NUDT6: variants seen among roughly 807,000 people sequenced by gnomAD.
The protein encoded by NUDT6 is FAD diphosphatase NUDT6.
A neutral mutation model predicts 36.8 loss-of-function variants in NUDT6; 24 were observed. The observed-to-expected ratio is 0.65, with a 90% confidence interval of 0.47 to 0.92. NUDT6 has a LOEUF of 0.92. NUDT6 is among the 40% of genes least tolerant of loss of function. The probability of loss-of-function intolerance (pLI) is 0.00; values close to 1 mark genes in which losing one functional copy is unlikely to be tolerated. For missense variants in NUDT6, 388 were observed against 392.8 expected, an observed-to-expected ratio of 0.99 and a Z score of 0.10; for synonymous variants, 163 against 157.0, an observed-to-expected ratio of 1.04 and a Z score of -0.29.
intron 3 of NUDT6, among the ~76,000 whole-genome samples, chr4:122,900,936 A>T (rs187968742): frequency 8.5e-5 from 13 of 152,206 alleles, no homozygotes; most frequent in African/African-American, 3.1e-4. Flanking sequence ...GTTTTATGGC[A>T]AAAAAATTAC....
At position 122,893,029 on chromosome 4, in the gene NUDT6, A is replaced by T. The variant is rs1727233719; in HGVS notation, c.750T>A (p.Asp250Glu). 1 of 1,614,136 alleles carries T rather than the reference A, an allele frequency of 6.2e-7. No individual in the cohort carries two copies. Among genetic ancestry groups the T allele is most frequent in the East Asian group, 2.2e-5 (1 of 44,882 alleles). Residue 250 changes from aspartate (D) to glutamate (E), a missense_variant, in exon 5 of 5, where the codon GAT becomes GAA. Transcript: ENST00000304430. Reference sequence around the variant, plus strand: ...TTTCAGTCTTCGCCAGGTCATTGAGATCCATCCACTCACATCTTAAGCATT... The same window carrying T: ...TTTCAGTCTTCGCCAGGTCATTGAGTTCCATCCACTCACATCTTAAGCATT... Reference protein sequence around the residue: ...QEECLRCEWMDLNDLAKTENT... With the variant: ...QEECLRCEWMELNDLAKTENT...
At chr4:122,907,217 G>A (rs927401089) in intron 3 of NUDT6, among the ~76,000 whole-genome samples, 4 of 151,970 alleles carry the variant, frequency 2.6e-5, no homozygotes, top group Admixed American at 2.6e-4. Context: ...GGCAACGTCT[G>A]CCTCCTGGGT....
intron 4 of NUDT6, 44 bp from the exon 5 acceptor site, chr4:122,893,269 T>C (rs780655874): frequency 6.6e-7 from 1 of 1,514,790 alleles, no homozygotes; most frequent in Non-Finnish European, 8.9e-7. Context: ...AATTACACTT[T>C]TAGAAACTGT....
intron 4 of NUDT6, chr4:122,895,260 T>C (rs898599819): frequency 2.0e-5 from 3 of 152,226 alleles, no homozygotes; most frequent in African/African-American, 7.2e-5. Flanking sequence ...CAAACTGAAA[T>C]AACATTTGCT....
At chr4:122,907,792 C>T (rs1727650679) in intron 3 of NUDT6, among the ~76,000 whole-genome samples, 1 of 152,110 alleles carries the variant, frequency 6.6e-6, no homozygotes, top group African/African-American at 2.4e-5. Context: ...TACGGATTCA[C>T]CCAAATTCTT....
At chr4:122,897,384 TCATAAA>T (rs1727394688) in intron 4 of NUDT6, 1 of 498,482 alleles carries the variant, frequency 2.0e-6, no homozygotes, top group Non-Finnish European at 3.6e-6. Flanking sequence ...CCAGAAGCAG[TCATAAA>T]CAGAAGAATA....
chr4:122,894,026 G>A (rs2150795502), intron 4 of NUDT6: 1 of 152,266 alleles, frequency 6.6e-6, no homozygotes, highest in East Asian at 1.9e-4. Context: ...AATTCTACTG[G>A]TGAAAAACAT....
intron 2 of NUDT6, among the ~76,000 whole-genome samples, chr4:122,914,903 C>T (rs1727798905): frequency 6.6e-6 from 1 of 152,046 alleles, no homozygotes; most frequent in Non-Finnish European, 1.5e-5. Context: ...AATTAATTTA[C>T]ATACATGATA....
chr4:122,909,360 GATA>G (rs1326353883), intron 3 of NUDT6, among the ~76,000 whole-genome samples: 2 of 152,082 alleles, frequency 1.3e-5, no homozygotes, highest in Non-Finnish European at 2.9e-5. Context: ...AAATAATGGA[GATA>G]ATAATAAGTA....
chr4:122,922,457 G>A lies in NUDT6; in HGVS notation c.116C>T (p.Pro39Leu), dbSNP rs1192648384. ...CTGCAGATCGCACGCTCCAACTGGCGGATTCCGCACGTAACCCTGTGCGCC... is the reference window on the plus strand; with the variant it reads ...CTGCAGATCGCACGCTCCAACTGGCAGATTCCGCACGTAACCCTGTGCGCC... ...ASGAQGYVRNPPVGACDLQGE... is the reference protein window; with the variant it reads ...ASGAQGYVRNLPVGACDLQGE... The change falls in exon 1 of 5, where the codon CCG (proline) becomes CTG (leucine). Residue 39 changes from proline to leucine, a missense_variant. Physicochemically the swap from Pro to Leu is moderately conservative, Grantham distance 98 (BLOSUM62 -3). Coordinates refer to ENST00000304430, the MANE Select transcript of NUDT6 (RefSeq NM_007083.5). The A allele has an allele frequency of 1.2e-6, 2 of 1,612,052 alleles. No individual in the cohort carries two copies. The highest frequency in any genetic ancestry group is 1.7e-6 in the Non-Finnish European group (2 of 1,179,856).
At chr4:122,910,678 T>C (rs1157420573) in intron 3 of NUDT6, among the ~76,000 whole-genome samples, 1 of 152,224 alleles carries the variant, frequency 6.6e-6, no homozygotes, top group Non-Finnish European at 1.5e-5. Flanking sequence ...TATCCATATA[T>C]TGTATAAGTA....
At chr4:122,907,888 G>A (rs1020787988) in intron 3 of NUDT6, among the ~76,000 whole-genome samples, 2 of 152,030 alleles carry the variant, frequency 1.3e-5, no homozygotes, top group Non-Finnish European at 2.9e-5. Flanking sequence ...TCTAAGGTAT[G>A]GGCGATTTGG....
chr4:122,906,686 G>A (rs1456636326), intron 3 of NUDT6, among the ~76,000 whole-genome samples: 1 of 152,114 alleles, frequency 6.6e-6, no homozygotes, highest in Non-Finnish European at 1.5e-5. Context: ...AAATAAGGCT[G>A]AGACCTGCTG....
chr4:122,919,715 A>G (rs1045624786), intron 1 of NUDT6: 1 of 152,190 alleles, frequency 6.6e-6, no homozygotes, highest in African/African-American at 2.4e-5. Flanking sequence ...ATCTTTGACC[A>G]GTCTTTCCTA....
Position 122,893,078 on chromosome 4 carries a change from A to G in NUDT6, c.701T>C (p.Phe234Ser). 6.2e-7 allele frequency: 1 copy of G among 1,614,160 alleles called. No individual in the cohort carries two copies. Among genetic ancestry groups the G allele is most frequent in the Non-Finnish European group, 8.5e-7 (1 of 1,180,030 alleles). ...YIICRLKPYS[F>S]TINFCQEECL... Reference sequence around the variant, plus strand: ...TTCTTCCTGGCAAAAATTTATGGTGAATGAATATGGCTTTAGGCGGCAGAT... The same window carrying G: ...TTCTTCCTGGCAAAAATTTATGGTGGATGAATATGGCTTTAGGCGGCAGAT... The change falls in exon 5 of 5, where the codon TTC (phenylalanine) becomes TCC (serine). Residue 234 changes from phenylalanine (F) to serine (S), a missense_variant. Transcript: ENST00000304430.
intron 3 of NUDT6, among the ~76,000 whole-genome samples, chr4:122,905,113 G>C (rs961714856): frequency 6.6e-6 from 1 of 152,158 alleles, no homozygotes. Flanking sequence ...CCCATGTCCT[G>C]CTGATTGGTC....
intron 1 of NUDT6, chr4:122,920,587 C>T (rs1362411095): frequency 1.3e-5 from 2 of 152,226 alleles, no homozygotes; most frequent in Non-Finnish European, 2.9e-5. Context: ...TGCCTAATGC[C>T]TGGCTAAGCA....
intron 4 of NUDT6, chr4:122,896,345 A>G (rs1389443923): frequency 2.6e-5 from 4 of 152,632 alleles, no homozygotes; most frequent in Admixed American, 6.5e-5. Flanking sequence ...CAGAGGACCC[A>G]TAAGAGTTCA....
At chr4:122,917,865 T>C in intron 1 of NUDT6, 161 bp from the exon 2 acceptor site, 1 of 617,712 alleles carries the variant, frequency 1.6e-6, no homozygotes, top group Non-Finnish European at 2.8e-6. Flanking sequence ...CCATGTTTTA[T>C]AGTAACCACC....
Sources: allele counts gnomAD v4.1 joint callset (sites outside exome capture counted in the v4.1 genomes callset), GRCh38; gene constraint gnomAD v4.1.1; transcripts MANE v1.5; gene names NCBI Gene and HGNC (gene_info 2026-07-23, HGNC 2026-07-21).